Variants in DAB1 observed in about 807,000 individuals in gnomAD.
DAB1 encodes disabled homolog 1.
In DAB1, 15 loss-of-function variants were observed where a neutral mutation model predicts 64.6. The ratio of observed to expected loss-of-function variants is 0.23; its 90% confidence interval spans 0.16 to 0.36. The LOEUF (loss-of-function observed/expected upper bound fraction) is 0.36. Among genes scored for constraint, DAB1 ranks in the 10% least tolerant of loss-of-function variants. DAB1 has a pLI of 1.00. For synonymous variants in DAB1, 235 were observed against 251.9 expected (o/e 0.93, Z 0.64); for missense variants, 596 against 706.7 (o/e 0.84, Z 1.78).
At chr1:57,511,579 T>G (rs1265574114) in intron 7 of DAB1, among the ~76,000 whole-genome samples, 1 of 152,202 alleles carries the variant, frequency 6.6e-6, no homozygotes, top group African/African-American at 2.4e-5. Context: ...TTTTCTTTGT[T>G]TATTAATTTC....
chr1:58,369,143 G>A (rs1453131109), intron 3 of DAB1, among the ~76,000 whole-genome samples: 1 of 152,160 alleles, frequency 6.6e-6, no homozygotes, highest in Middle Eastern at 3.2e-3. Context: ...CTCAGTGAAA[G>A]TATGCTCAAT....
chr1:58,409,613 G>C (rs72914373), intron 3 of DAB1, among the ~76,000 whole-genome samples: 1 of 152,200 alleles, frequency 6.6e-6, no homozygotes, highest in Non-Finnish European at 1.5e-5. Context: ...TGACTTCTAC[G>C]TTTCTGGATG....
rs1669881020 is a variant in DAB1 at position 57,257,818 on chromosome 1, A to G, written c.67+33146T>C. Among the ~76,000 whole-genome samples the G allele has an allele frequency of 2.0e-5, 3 of 152,180 alleles. No homozygotes were observed. The South Asian group carries it at 6.2e-4, about 32-fold the overall frequency. On this transcript the variant is annotated intron_variant, in intron 2 of 14. Coordinates refer to ENST00000371236, the MANE Select transcript of DAB1 (RefSeq NM_001365792.1). Reference sequence around the variant, plus strand: ...CAGGCATTCCTTGGCTTGTGGCCACATCATTCCACTCTGTGCCTAGTGGTC... The same window carrying G: ...CAGGCATTCCTTGGCTTGTGGCCACGTCATTCCACTCTGTGCCTAGTGGTC...
In DAB1 at chr1:58,296,108, A is replaced by G. The variant is rs1661967657; in HGVS notation, n.309+47244T>C. 3.4e-5 allele frequency among the ~76,000 whole-genome samples: 5 copies of G among 148,190 alleles called. No individual in the cohort carries two copies. The South Asian group carries it at 1.1e-3, about 32-fold the overall frequency. On this transcript the variant is annotated intron_variant and non_coding_transcript_variant, in intron 4 of 20. Coordinates refer to the DAB1 transcript ENST00000485760. Reference sequence around the variant, plus strand: ...GACTCTGTCTCAAAAAAAAAAAAAAAGCAAGAAAGCGAGAAAGAAAAAAAA... The same window carrying G: ...GACTCTGTCTCAAAAAAAAAAAAAAGGCAAGAAAGCGAGAAAGAAAAAAAA...
chr1:57,666,431 GA>G, intron 6 of DAB1, among the ~76,000 whole-genome samples: 1 of 152,254 alleles, frequency 6.6e-6, no homozygotes, highest in South Asian at 2.1e-4. Flanking sequence ...AGCTTCCTAG[GA>G]AATAGACTTT....
At chr1:57,114,323 CT>C (rs1655922181) in intron 4 of DAB1, among the ~76,000 whole-genome samples, 1 of 152,140 alleles carries the variant, frequency 6.6e-6, no homozygotes, top group African/African-American at 2.4e-5. Flanking sequence ...CTATTTTCTT[CT>C]TTGCTGTATC....
At chr1:57,777,924 G>A (rs1433815997) in intron 6 of DAB1, among the ~76,000 whole-genome samples, 1 of 152,042 alleles carries the variant, frequency 6.6e-6, no homozygotes, top group Non-Finnish European at 1.5e-5. Context: ...CATTTTGGCA[G>A]TTTCTTTCAG....
chr1:57,986,721 A>T (rs1347859287), intron 5 of DAB1, among the ~76,000 whole-genome samples: 1 of 152,312 alleles, frequency 6.6e-6, no homozygotes, highest in Non-Finnish European at 1.5e-5. Flanking sequence ...AGTGTCTTCC[A>T]AAGTCATTTC....
At chr1:57,153,963 A>C (rs1404906003) in intron 2 of DAB1, among the ~76,000 whole-genome samples, 1 of 152,182 alleles carries the variant, frequency 6.6e-6, no homozygotes, top group Non-Finnish European at 1.5e-5. Flanking sequence ...TGGGGTACAC[A>C]ACATGTTTTG....
intron 1 of DAB1, among the ~76,000 whole-genome samples, chr1:57,390,028 C>T (rs777387343): frequency 1.1e-4 from 16 of 152,200 alleles, no homozygotes; most frequent in Non-Finnish European, 1.6e-4. Flanking sequence ...GGCCCCCAAA[C>T]CAATGTTGTT....
At chr1:57,472,432 A>C (rs1245155625) in intron 7 of DAB1, among the ~76,000 whole-genome samples, 8 of 152,252 alleles carry the variant, frequency 5.3e-5, no homozygotes, top group Admixed American at 5.2e-4. Context: ...AAAAACTAAA[A>C]GGCAGAAATG....
chr1:57,139,648 G>T (rs912025998), intron 3 of DAB1, among the ~76,000 whole-genome samples: 1 of 152,124 alleles, frequency 6.6e-6, no homozygotes, highest in Non-Finnish European at 1.5e-5. Context: ...AGAAGTTTCA[G>T]TGTCTCCATT....
intron 1 of DAB1, among the ~76,000 whole-genome samples, chr1:58,539,918 G>A (rs1646578370): frequency 6.6e-6 from 1 of 152,180 alleles, no homozygotes; most frequent in Non-Finnish European, 1.5e-5. Flanking sequence ...CAGAGGACAA[G>A]AGAAGACAAG....
At chr1:57,328,018 G>A (rs1676323127) in intron 1 of DAB1, among the ~76,000 whole-genome samples, 1 of 152,160 alleles carries the variant, frequency 6.6e-6, no homozygotes, top group African/African-American at 2.4e-5. Flanking sequence ...CCATTACAGA[G>A]CAAATGCTAC....
intron 4 of DAB1, among the ~76,000 whole-genome samples, chr1:58,269,275 T>C (rs915687193): frequency 2.0e-5 from 3 of 151,708 alleles, no homozygotes; most frequent in Non-Finnish European, 2.9e-5. Context: ...TTTGGTTTTT[T>C]GTTCTTGTGA....
rs184234998 is a variant in DAB1 at position 58,234,290 on chromosome 1, G to C, written n.310-83702C>G. Reference sequence around the variant, plus strand: ...ACTGCCAAGGACTGGAGCTACAATAGGGAGAAAAACAGATATGATCTTGCC... The same window carrying C: ...ACTGCCAAGGACTGGAGCTACAATACGGAGAAAAACAGATATGATCTTGCC... On this transcript the variant is annotated intron_variant and non_coding_transcript_variant, in intron 4 of 20. Transcript: ENST00000485760. Among the ~76,000 whole-genome samples, 66 of 152,272 alleles carry C rather than the reference G, an allele frequency of 4.3e-4. 1 individual carries two copies. The highest frequency in any genetic ancestry group is 9.8e-4 in the Admixed American group (15 of 15,290).
In DAB1 at chr1:58,438,041, G is replaced by C. The variant is rs1644964307; in HGVS notation, n.257+68019C>G. On this transcript the variant is annotated intron_variant and non_coding_transcript_variant, in intron 3 of 20. Coordinates refer to the DAB1 transcript ENST00000485760. ...CAGAGGAGGTCAAGCAAACCTCAGA[G>C]ATGAGGAGAGAGAAAGAATCTGACT... is the stretch of plus-strand genomic sequence containing the variant. 2.0e-5 allele frequency among the ~76,000 whole-genome samples: 3 copies of C among 152,202 alleles called. No homozygotes were observed. The South Asian group carries it at 6.2e-4, about 31-fold the overall frequency.
intron 2 of DAB1, among the ~76,000 whole-genome samples, chr1:57,167,427 C>T (rs189943209): frequency 1.5e-4 from 23 of 152,230 alleles, no homozygotes; most frequent in Middle Eastern, 3.4e-3. Flanking sequence ...TCTTGGTTCT[C>T]CCTCTTTCTT....
intron 4 of DAB1, among the ~76,000 whole-genome samples, chr1:58,299,385 A>C (rs1662068847): frequency 6.6e-6 from 1 of 152,218 alleles, no homozygotes; most frequent in Non-Finnish European, 1.5e-5. Context: ...TGAGGTGTGC[A>C]AGATAATCAA....
Sources: allele counts gnomAD v4.1 joint callset (sites outside exome capture counted in the v4.1 genomes callset), GRCh38; gene constraint gnomAD v4.1.1; transcripts MANE v1.5; gene names NCBI Gene and HGNC (gene_info 2026-07-23, HGNC 2026-07-21).